SIPA1L3: variants seen among roughly 807,000 people sequenced by gnomAD.
SIPA1L3 encodes the protein signal induced proliferation associated 1 like 3, also known as signal-induced proliferation-associated 1-like protein 3.
SIPA1L3 carries 59 observed loss-of-function variants against 150.1 expected under a neutral mutation model. The observed-to-expected ratio is 0.39, with a 90% CI of 0.32 to 0.49. SIPA1L3 has a LOEUF of 0.49. Among genes scored for constraint, SIPA1L3 ranks in the 20% least tolerant of loss-of-function variants. SIPA1L3 has a pLI of 0.86. For missense variants in SIPA1L3, 2,211 were observed against 2,489.5 expected (o/e 0.89, Z 2.38); for synonymous variants, 1,070 against 1,077.6 (o/e 0.99, Z 0.14).
At chr19:38,150,714 T>C (rs868713918) in intron 12 of SIPA1L3, among the ~76,000 whole-genome samples, 4 of 151,712 alleles carry the variant, frequency 2.6e-5, no homozygotes, top group Middle Eastern at 3.4e-3. Context: ...CTAATTTTTA[T>C]ATTTTTAGTA....
intron 1 of SIPA1L3, among the ~76,000 whole-genome samples, chr19:37,931,430 T>G (rs1033973636): frequency 6.0e-5 from 9 of 151,244 alleles, no homozygotes; most frequent in Admixed American, 2.0e-4. Context: ...AGCACCTGCT[T>G]CTTCTTACAA....
intron 1 of SIPA1L3, among the ~76,000 whole-genome samples, chr19:37,954,159 A>T (rs1198758085): frequency 6.6e-6 from 1 of 152,090 alleles, no homozygotes; most frequent in Non-Finnish European, 1.5e-5. Flanking sequence ...TTCCCTGGGA[A>T]TTTTTTCTTG....
chr19:38,077,661 CTTTTTTTTT>C (rs58788182), intron 2 of SIPA1L3, among the ~76,000 whole-genome samples: 7 of 64,346 alleles, frequency 1.1e-4, no homozygotes, highest in Admixed American at 2.4e-4. Context: ...TTTTCTTTTT[CTTTTTTTTT>C]TTTTTTTTTT....
Position 38,206,300 on chromosome 19 carries a change from C to A in SIPA1L3, c.*60C>A. ...CTCAGGCCGTGGCCCTGCTGCCTCTCTCCCTCCACTCAGCTCCCAGCTGCC... is the reference window on the plus strand; with the variant it reads ...CTCAGGCCGTGGCCCTGCTGCCTCTATCCCTCCACTCAGCTCCCAGCTGCC... On this transcript the variant is annotated 3_prime_UTR_variant, in exon 22 of 22. Transcript: ENST00000222345. 1 of 1,483,870 alleles carries A rather than the reference C, an allele frequency of 6.7e-7. No individual in the cohort carries two copies. The highest frequency in any genetic ancestry group is 1.8e-4 in the Middle Eastern group (1 of 5,658). 91.9% of individuals were successfully genotyped at this position (1,483,870 alleles called of 1,614,324 possible).
chr19:38,197,281 C>G (rs1188480886), intron 18 of SIPA1L3, among the ~76,000 whole-genome samples: 1 of 152,130 alleles, frequency 6.6e-6, no homozygotes. Context: ...TCTCTCTGTA[C>G]CTGGCTGTCC....
chr19:38,034,347 G>C (rs1222151203), intron 2 of SIPA1L3, among the ~76,000 whole-genome samples: 1 of 152,174 alleles, frequency 6.6e-6, no homozygotes, highest in East Asian at 1.9e-4. Flanking sequence ...TTCAGTTCTT[G>C]TAACTACCCT....
At chr19:37,988,653 G>A (rs559360365) in intron 1 of SIPA1L3, among the ~76,000 whole-genome samples, 17 of 152,316 alleles carry the variant, frequency 1.1e-4, no homozygotes, top group Non-Finnish European at 1.6e-4. Flanking sequence ...TCCAGCCTGG[G>A]CGACAGAGCG....
At chr19:38,174,407 G>A (rs758664792) in intron 15 of SIPA1L3, among the ~76,000 whole-genome samples, 1 of 152,142 alleles carries the variant, frequency 6.6e-6, no homozygotes, top group Non-Finnish European at 1.5e-5. Context: ...GGGGGCCCTC[G>A]GGGTATGTGG....
At chr19:38,127,661 T>A (rs1971207555) in intron 9 of SIPA1L3, among the ~76,000 whole-genome samples, 1 of 151,984 alleles carries the variant, frequency 6.6e-6, no homozygotes, top group Non-Finnish European at 1.5e-5. Context: ...CAGCTAATTT[T>A]TTTTTTATTT....
At chr19:37,910,164 A>G (rs947130636) in intron 1 of SIPA1L3, among the ~76,000 whole-genome samples, 2 of 152,344 alleles carry the variant, frequency 1.3e-5, no homozygotes, top group African/African-American at 4.8e-5. Flanking sequence ...GATATATTTC[A>G]AACATAGTCT....
At chr19:38,182,239 G>C (rs1050912312) in intron 15 of SIPA1L3, among the ~76,000 whole-genome samples, 6 of 152,122 alleles carry the variant, frequency 3.9e-5, no homozygotes, top group Non-Finnish European at 2.9e-5. Context: ...TAGCTGCGTA[G>C]GTTGTACCAA....
chr19:38,183,012 C>A, intron 16 of SIPA1L3: 1 of 405,262 alleles, frequency 2.5e-6, no homozygotes, highest in African/African-American at 2.0e-5. Context: ...GGGTGTGGAA[C>A]ATTCCAGGGA....
At chr19:38,150,392 G>A (rs189758754) in intron 12 of SIPA1L3, among the ~76,000 whole-genome samples, 16 of 152,182 alleles carry the variant, frequency 1.1e-4, no homozygotes, top group African/African-American at 3.9e-4. Flanking sequence ...AGCTGGCAGG[G>A]TGACCCTGGA....
chr19:37,909,238 T>C (rs939718858), intron 1 of SIPA1L3, among the ~76,000 whole-genome samples: 6 of 152,208 alleles, frequency 3.9e-5, no homozygotes, highest in Non-Finnish European at 5.9e-5. Flanking sequence ...GACGGAGTCT[T>C]GCTCCATAGC....
At chr19:37,942,905 G>C (rs573940782) in intron 1 of SIPA1L3, among the ~76,000 whole-genome samples, 1 of 152,008 alleles carries the variant, frequency 6.6e-6, no homozygotes, top group Admixed American at 6.5e-5. Flanking sequence ...TGTATTTTTA[G>C]TAGAGACAGG....
chr19:38,146,880 G>T (rs773515532), intron 12 of SIPA1L3, among the ~76,000 whole-genome samples: 1 of 152,016 alleles, frequency 6.6e-6, no homozygotes, highest in African/African-American at 2.4e-5. Context: ...GTGCCTGTGC[G>T]TGTCTTTTGT....
intron 9 of SIPA1L3, among the ~76,000 whole-genome samples, chr19:38,121,738 CA>C (rs903177181): frequency 1.4e-5 from 2 of 143,544 alleles, no homozygotes; most frequent in Non-Finnish European, 3.0e-5. Flanking sequence ...GACTCCGTCT[CA>C]AAAAAAAATA....
chr19:38,077,011 G>A (rs1197785963), intron 2 of SIPA1L3, among the ~76,000 whole-genome samples: 2 of 152,198 alleles, frequency 1.3e-5, no homozygotes, highest in Non-Finnish European at 2.9e-5. Context: ...AAGGAAGAAG[G>A]AGGATCTCAA....
intron 1 of SIPA1L3, among the ~76,000 whole-genome samples, chr19:37,997,959 G>A (rs1046746830): frequency 6.6e-6 from 1 of 152,092 alleles, no homozygotes; most frequent in Non-Finnish European, 1.5e-5. Context: ...GCCCCAAATG[G>A]CACCTTGCCA....
Sources: allele counts gnomAD v4.1 joint callset (sites outside exome capture counted in the v4.1 genomes callset), GRCh38; gene constraint gnomAD v4.1.1; transcripts MANE v1.5; gene names NCBI Gene and HGNC (gene_info 2026-07-23, HGNC 2026-07-21).